The following CLSTN2 variants were observed in gnomAD, a reference collection of about 807,000 sequenced individuals.
The protein encoded by CLSTN2 is calsyntenin 2.
Under a neutral mutation model 101.2 loss-of-function variants are expected in CLSTN2, and 48 were observed. The ratio of observed to expected loss-of-function variants is 0.47; its 90% CI spans 0.38 to 0.60. CLSTN2 has a LOEUF of 0.60. Ranked by LOEUF, CLSTN2 falls within the 20% of genes least tolerant of loss-of-function variation. The pLI, the probability that CLSTN2 is intolerant of heterozygous loss-of-function variation, is 0.00. For missense variants in CLSTN2, 1,160 were observed against 1,238.2 expected, an observed-to-expected ratio of 0.94 and a Z score of 0.95; for synonymous variants, 481 against 463.6, an observed-to-expected ratio of 1.04 and a Z score of -0.48.
chr3:140,169,971 G>C (rs935070101), intron 1 of CLSTN2, among the ~76,000 whole-genome samples: 7 of 152,156 alleles, frequency 4.6e-5, no homozygotes, highest in African/African-American at 2.4e-5. Flanking sequence ...AATGAGTAAT[G>C]ATGGGATGAT....
chr3:140,571,237 G>A lies in CLSTN2; in HGVS notation c.*4984G>A, dbSNP rs905659904. 4 of 152,094 alleles carry A rather than the reference G, an allele frequency of 2.6e-5. No homozygotes were observed. The highest frequency in any genetic ancestry group is 4.4e-5 in the Non-Finnish European group (3 of 68,024). The allele number at this position is 152,094 out of a possible 1,614,324, so 9.4% of individuals were successfully genotyped here. A position where few individuals can be genotyped will look rare whatever the true frequency, so the allele number is the denominator to read the frequency against. On this transcript the variant is annotated 3_prime_UTR_variant, in exon 17 of 17. Coordinates refer to ENST00000458420, the MANE Select transcript of CLSTN2 (RefSeq NM_022131.3). ...CCATTGCTCTAAAAATGATCCTAAA[G>A]ACTTGTGACTGTTTGAATCAATAGC...
At chr3:140,318,866 A>G (rs926633789) in intron 2 of CLSTN2, among the ~76,000 whole-genome samples, 1 of 152,208 alleles carries the variant, frequency 6.6e-6, no homozygotes, top group Non-Finnish European at 1.5e-5. Flanking sequence ...AATAATTATT[A>G]TAAGTAATCC....
At chr3:140,527,394 G>A (rs1477018590) in intron 8 of CLSTN2, among the ~76,000 whole-genome samples, 1 of 152,022 alleles carries the variant, frequency 6.6e-6, no homozygotes, top group African/African-American at 2.4e-5. Flanking sequence ...TCTCATACCA[G>A]TCAGAATGGC....
intron 8 of CLSTN2, among the ~76,000 whole-genome samples, chr3:140,509,073 C>T (rs992402160): frequency 6.6e-6 from 1 of 152,096 alleles, no homozygotes; most frequent in Non-Finnish European, 1.5e-5. Flanking sequence ...TGGGAAGGGG[C>T]TGGCTACAGT....
chr3:140,291,663 T>G (rs2086955146), intron 2 of CLSTN2, among the ~76,000 whole-genome samples: 1 of 151,414 alleles, frequency 6.6e-6, no homozygotes, highest in South Asian at 2.1e-4. Context: ...TCTCATGAAC[T>G]CCAGTCCTGC....
chr3:140,391,403 GGT>G (rs2088113105), intron 2 of CLSTN2, among the ~76,000 whole-genome samples: 1 of 151,908 alleles, frequency 6.6e-6, no homozygotes, highest in Admixed American at 6.6e-5. Flanking sequence ...TATTTTTCCA[GGT>G]TTGTGATGTT....
chr3:140,260,152 ATATATT>A (rs1055747918), intron 2 of CLSTN2, among the ~76,000 whole-genome samples: 4 of 148,120 alleles, frequency 2.7e-5, no homozygotes, highest in African/African-American at 7.4e-5. Context: ...ATATATATAT[ATATATT>A]ATATATAAAA....
chr3:140,269,426 A>G (rs181084310), intron 2 of CLSTN2, among the ~76,000 whole-genome samples: 1 of 152,310 alleles, frequency 6.6e-6, no homozygotes, highest in Non-Finnish European at 1.5e-5. Context: ...GTGTTTTGGA[A>G]CTCAGATACA....
At chr3:140,272,707 G>T (rs2086754435) in intron 2 of CLSTN2, among the ~76,000 whole-genome samples, 1 of 152,182 alleles carries the variant, frequency 6.6e-6, no homozygotes, top group Admixed American at 6.5e-5. Context: ...AGCCGAGTTT[G>T]TGCCACTGCT....
chr3:140,555,377 G>A lies in CLSTN2; in HGVS notation c.1675-1136G>A, dbSNP rs567102339. On this transcript the variant is annotated intron_variant, in intron 10 of 16. Transcript: ENST00000458420. ...GGGCAAACATGTATAAGTGTCCCAC[G>A]GGAGGGAAAGCAACTAATTTTGAAC... is the stretch of plus-strand genomic sequence containing the variant. Among the ~76,000 whole-genome samples, 7 of 152,232 alleles carry A rather than the reference G, an allele frequency of 4.6e-5. No homozygotes were observed. The South Asian group carries it at 6.2e-4, about 14-fold the overall frequency.
At chr3:139,965,626 G>A (rs912310752) in intron 1 of CLSTN2, among the ~76,000 whole-genome samples, 2 of 152,218 alleles carry the variant, frequency 1.3e-5, no homozygotes, top group East Asian at 3.8e-4. Context: ...GAGGACGGGG[G>A]CAAACACAAT....
chr3:140,385,511 G>T (rs1359345684), intron 2 of CLSTN2, among the ~76,000 whole-genome samples: 1 of 151,788 alleles, frequency 6.6e-6, no homozygotes, highest in East Asian at 1.9e-4. Flanking sequence ...TGGGACTACA[G>T]GTGCCCACCA....
At position 140,570,833 on chromosome 3, in the gene CLSTN2, G is replaced by A. The variant is rs1985514824; in HGVS notation, c.*4580G>A. 6.6e-6 allele frequency: 1 copy of A among 152,204 alleles called. No homozygotes were observed. Among genetic ancestry groups the A allele is most frequent in the African/African-American group, 2.4e-5 (1 of 41,450 alleles). The allele number at this position is 152,204 out of a possible 1,614,324, so 9.4% of individuals were successfully genotyped here. ...CCCGTACCATACACCATGGAAGTTA[G>A]CCTTCCACCTCAGGAGAAAGCAAGC... On this transcript the variant is annotated 3_prime_UTR_variant, in exon 17 of 17. Coordinates refer to ENST00000458420, the MANE Select transcript of CLSTN2 (RefSeq NM_022131.3).
At chr3:140,536,705 A>C (rs538229172) in intron 9 of CLSTN2, among the ~76,000 whole-genome samples, 2 of 152,300 alleles carry the variant, frequency 1.3e-5, no homozygotes, top group East Asian at 3.9e-4. Context: ...CAGAGGAAAA[A>C]TTCTTAAGAT....
At chr3:140,488,817 A>G (rs984290558) in intron 8 of CLSTN2, among the ~76,000 whole-genome samples, 1 of 151,884 alleles carries the variant, frequency 6.6e-6, no homozygotes, top group African/African-American at 2.4e-5. Context: ...GAGTCTCTTA[A>G]AGAAACAGCT....
At chr3:140,347,198 T>C (rs951878810) in intron 2 of CLSTN2, among the ~76,000 whole-genome samples, 1 of 152,200 alleles carries the variant, frequency 6.6e-6, no homozygotes, top group African/African-American at 2.4e-5. Context: ...AATGTGTTAT[T>C]TGGCATCTCC....
chr3:140,037,257 A>G (rs2007672760), intron 1 of CLSTN2, among the ~76,000 whole-genome samples: 1 of 152,214 alleles, frequency 6.6e-6, no homozygotes, highest in Admixed American at 6.5e-5. Context: ...AACACCTACC[A>G]CAGAGCAATT....
At chr3:140,536,539 T>G (rs1406699563) in intron 9 of CLSTN2, among the ~76,000 whole-genome samples, 1 of 152,016 alleles carries the variant, frequency 6.6e-6, no homozygotes, top group Non-Finnish European at 1.5e-5. Context: ...TCACTGATGG[T>G]CAGAAAGGTA....
At position 140,347,771 on chromosome 3, in the gene CLSTN2, C is replaced by T. The variant is rs550268842; in HGVS notation, c.233-55858C>T. Among the ~76,000 whole-genome samples, 5 of 152,232 alleles carry T rather than the reference C, an allele frequency of 3.3e-5. No individual in the cohort carries two copies. The South Asian group carries it at 1.0e-3, about 32-fold the overall frequency. On this transcript the variant is annotated intron_variant, in intron 2 of 16. Transcript: ENST00000458420. ...TACTACAGTACCCTATCCTAATTTG[C>T]CTTTTCAGGGAAAAATGCATAGAGA...
Sources: gnomAD v4.1 joint callset for allele counts (sites outside exome capture counted in the v4.1 genomes callset) on GRCh38, gnomAD v4.1.1 for gene constraint, MANE v1.5 for transcripts, NCBI Gene and HGNC (gene_info 2026-07-23, HGNC 2026-07-21) for gene names.